The following AGBL1 variants were observed in gnomAD, a reference collection of about 807,000 sequenced individuals.
AGBL1 encodes the protein cytosolic carboxypeptidase 4.
A neutral mutation model predicts 118.9 loss-of-function variants in AGBL1; 130 were observed. The observed-to-expected ratio is 1.09, with a 90% CI of 0.95 to 1.26. AGBL1 has a LOEUF of 1.26. AGBL1 is among the 50% of genes most tolerant of loss of function. The probability of loss-of-function intolerance (pLI) is 0.00; values close to 1 mark genes in which losing one functional copy is unlikely to be tolerated. For missense variants in AGBL1, 1,584 were observed against 1,298.1 expected, an observed-to-expected ratio of 1.22 and a Z score of -3.38; for synonymous variants, 555 against 478.9, an observed-to-expected ratio of 1.16 and a Z score of -2.08.
rs747269837 is a variant in AGBL1, at chr15:86,980,457, A to G, written c.3222-7530A>G. Among the ~76,000 whole-genome samples, 29 of 152,314 alleles carry G rather than the reference A, an allele frequency of 1.9e-4. 2 individuals are homozygous for G. Among genetic ancestry groups the G allele is most frequent in the Middle Eastern group, 3.4e-3 (1 of 294 alleles). ...GGGCTGCAAAATTCATCAGTGGAAAATGGCTCAGCGAATTCTGTGAAAGCA... is the reference window on the plus strand; with the variant it reads ...GGGCTGCAAAATTCATCAGTGGAAAGTGGCTCAGCGAATTCTGTGAAAGCA... On this transcript the variant is annotated intron_variant, in intron 23 of 24. Coordinates refer to the AGBL1 transcript ENST00000441037.
chr15:86,209,920 T>C (rs967608225), intron 5 of AGBL1, among the ~76,000 whole-genome samples: 1 of 152,246 alleles, frequency 6.6e-6, no homozygotes, highest in African/African-American at 2.4e-5. Flanking sequence ...TGATGGTCTT[T>C]ACAATTTGGC....
chr15:86,878,915 C>T (rs1034271620), intron 22 of AGBL1, among the ~76,000 whole-genome samples: 4 of 152,206 alleles, frequency 2.6e-5, no homozygotes, highest in African/African-American at 9.6e-5. Context: ...TCTCTGAGTC[C>T]AGGAACCTTC....
At chr15:86,960,615 C>T (rs976897842) in intron 23 of AGBL1, among the ~76,000 whole-genome samples, 1 of 151,884 alleles carries the variant, frequency 6.6e-6, no homozygotes, top group Admixed American at 6.6e-5. Flanking sequence ...CTAATACTGG[C>T]TATATATCCC....
chr15:86,839,832 G>C (rs1035336954), intron 22 of AGBL1, among the ~76,000 whole-genome samples: 6 of 152,172 alleles, frequency 3.9e-5, no homozygotes, highest in African/African-American at 1.4e-4. Flanking sequence ...CTGGGTTCCA[G>C]CTTCATATCA....
At chr15:86,308,748 T>G (rs549336284) in intron 17 of AGBL1, among the ~76,000 whole-genome samples, 5 of 152,224 alleles carry the variant, frequency 3.3e-5, no homozygotes, top group Admixed American at 1.3e-4. Context: ...ATGGATTTAT[T>G]TCTGGCTCCT....
intron 19 of AGBL1, among the ~76,000 whole-genome samples, chr15:86,529,781 A>G (rs2083322959): frequency 6.6e-6 from 1 of 151,980 alleles, no homozygotes; most frequent in African/African-American, 2.4e-5. Context: ...CCTGCAAGCC[A>G]GAAGAGACTG....
At chr15:86,542,848 C>A (rs775963394) in intron 19 of AGBL1, among the ~76,000 whole-genome samples, 1 of 152,146 alleles carries the variant, frequency 6.6e-6, no homozygotes, top group Non-Finnish European at 1.5e-5. Context: ...CTCTAGCATT[C>A]TTTTGTTTTG....
intron 18 of AGBL1, among the ~76,000 whole-genome samples, chr15:86,425,992 C>G (rs2081862280): frequency 6.6e-6 from 1 of 151,858 alleles, no homozygotes; most frequent in South Asian, 2.1e-4. Context: ...CCAAGAGAAA[C>G]AGGAAGAAAA....
intron 1 of AGBL1, among the ~76,000 whole-genome samples, chr15:86,111,623 T>G (rs924724878): frequency 3.3e-5 from 5 of 152,198 alleles, no homozygotes; most frequent in Admixed American, 2.6e-4. Flanking sequence ...AATTACATTT[T>G]GAAGACCCAG....
intron 22 of AGBL1, among the ~76,000 whole-genome samples, chr15:86,819,381 A>G (rs555719844): frequency 6.6e-6 from 1 of 152,214 alleles, no homozygotes; most frequent in East Asian, 1.9e-4. Context: ...TATTAATAAG[A>G]AAACCCCATT....
chr15:86,991,494 C>G (rs188627150), intron 24 of AGBL1, among the ~76,000 whole-genome samples: 1 of 151,818 alleles, frequency 6.6e-6, no homozygotes, highest in East Asian at 1.9e-4. Flanking sequence ...GCTTAGGAAA[C>G]CAAAGTATGA....
intron 22 of AGBL1, among the ~76,000 whole-genome samples, chr15:86,848,578 A>G (rs16978031): frequency 0.023 from 3,460 of 152,240 alleles, 129 homozygotes; most frequent in East Asian, 0.19. Context: ...TACTTCAAGT[A>G]TGGTCGCAGT....
intron 22 of AGBL1, among the ~76,000 whole-genome samples, chr15:86,900,514 A>G (rs2080196470): frequency 6.6e-6 from 1 of 152,132 alleles, no homozygotes; most frequent in Non-Finnish European, 1.5e-5. Context: ...GAGTATATTT[A>G]GCACATATTT....
At chr15:86,612,602 A>G (rs746796569) in intron 21 of AGBL1, among the ~76,000 whole-genome samples, 1 of 152,218 alleles carries the variant, frequency 6.6e-6, no homozygotes, top group Non-Finnish European at 1.5e-5. Flanking sequence ...ACAGCATCAC[A>G]GGACAGCAGG....
chr15:86,250,245 C>T (rs1025822314), intron 7 of AGBL1, among the ~76,000 whole-genome samples: 1 of 151,956 alleles, frequency 6.6e-6, no homozygotes, highest in Admixed American at 6.6e-5. Context: ...GTGCTCTTGG[C>T]CGGGAGTGGT....
At chr15:86,646,278 G>A (rs1029061966) in intron 21 of AGBL1, among the ~76,000 whole-genome samples, 2 of 152,190 alleles carry the variant, frequency 1.3e-5, no homozygotes, top group African/African-American at 4.8e-5. Flanking sequence ...CACGGCGGCA[G>A]TAACAACTCT....
In AGBL1 at chr15:86,846,086, C is replaced by A. The variant is rs546013466; in HGVS notation, c.3159-61001C>A. ...CTGGTAGTCTTTTGGATGACAATTA[C>A]ACATATACTTAGATTTTCTTTTCCT... On this transcript the variant is annotated intron_variant, in intron 22 of 22. Coordinates refer to ENST00000614907, the MANE Select transcript of AGBL1 (RefSeq NM_001386094.1). 1.8e-4 allele frequency among the ~76,000 whole-genome samples: 28 copies of A among 152,306 alleles called. No individual in the cohort carries two copies. The South Asian group carries it at 2.1e-3, about 11-fold the overall frequency.
intron 22 of AGBL1, among the ~76,000 whole-genome samples, chr15:86,835,580 AG>A (rs1424143414): frequency 6.6e-6 from 1 of 152,182 alleles, no homozygotes; most frequent in Non-Finnish European, 1.5e-5. Flanking sequence ...GTTCAAAAAA[AG>A]GGAGGAGAGA....
At chr15:86,226,758 TC>T (rs2078371373) in intron 6 of AGBL1, among the ~76,000 whole-genome samples, 1 of 152,162 alleles carries the variant, frequency 6.6e-6, no homozygotes, top group South Asian at 2.1e-4. Context: ...ACTTCTTCTT[TC>T]CCTTTAGAGC....
Sources: allele counts gnomAD v4.1 joint callset (sites outside exome capture counted in the v4.1 genomes callset), GRCh38; gene constraint gnomAD v4.1.1; transcripts MANE v1.5; gene names NCBI Gene and HGNC (gene_info 2026-07-23, HGNC 2026-07-21).